The following PHACTR2 variants were observed in gnomAD, a reference collection of about 807,000 sequenced individuals.
PHACTR2 encodes the protein chromosome 6 open reading frame 56.
A neutral mutation model predicts 76.0 loss-of-function variants in PHACTR2; 30 were observed. The ratio of observed to expected loss-of-function variants is 0.39; its 90% CI spans 0.30 to 0.54. PHACTR2 has a LOEUF of 0.54. Ranked by LOEUF, PHACTR2 falls within the 20% of genes least tolerant of loss-of-function variation. The pLI is 0.61. For synonymous variants in PHACTR2, 292 were observed against 292.5 expected (o/e 1.00, Z 0.02); for missense variants, 696 against 781.1 (o/e 0.89, Z 1.30).
rs59017997 is a variant in PHACTR2, at chr6:143,564,196, CATATATATATATATATATATATATAT to C, written c.217+27004_217+27029del. On this transcript the variant is annotated intron_variant, in intron 1 of 11. Coordinates refer to the PHACTR2 transcript ENST00000367584. The stretch of plus-strand genomic sequence containing the variant: ...ATGTGTGTGTGTATGTGTGTGTGTG[CATATATATATATATATATATATATAT>C]ATATATATATATATGTATGCCACTG... 9.9e-5 allele frequency among the ~76,000 whole-genome samples: 4 copies of C among 40,300 alleles called. 2 individuals are homozygous for C. Among genetic ancestry groups the C allele is most frequent in the South Asian group, 1.8e-3 (2 of 1,138 alleles). The allele number at this position is 40,300 out of a possible 152,430, so 26.4% of individuals were successfully genotyped here. A position where few individuals can be genotyped will look rare whatever the true frequency, so the allele number is the denominator to read the frequency against.
At chr6:143,606,939 C>T (rs1051575313), upstream of PHACTR2, among the ~76,000 whole-genome samples, 7 of 152,230 alleles carry the variant, frequency 4.6e-5, no homozygotes, top group South Asian at 2.1e-4. Flanking sequence ...CTATCACTGA[C>T]GTAAACAAAG....
chr6:143,815,704 C>A (rs1418325916), intron 12 of PHACTR2, among the ~76,000 whole-genome samples: 2 of 151,910 alleles, frequency 1.3e-5, no homozygotes, highest in African/African-American at 4.8e-5. Flanking sequence ...ACCAGCCTTG[C>A]CAACATGGTG....
intron 1 of PHACTR2, among the ~76,000 whole-genome samples, chr6:143,701,106 T>G (rs1777901837): frequency 6.6e-6 from 1 of 152,218 alleles, no homozygotes; most frequent in African/African-American, 2.4e-5. Context: ...TTTAATCTGT[T>G]AAATATCCTG....
rs1432141099 is a variant in PHACTR2, at chr6:143,592,677, C to T, written c.217+55470C>T. On this transcript the variant is annotated intron_variant, in intron 1 of 11. Coordinates refer to the PHACTR2 transcript ENST00000367584. This position sits in a 1 kb window ranked among gnomAD's most constrained non-coding sequence, Gnocchi z 4.0. ...GCGTATATGAAGCATAAATGAATTT[C>T]CTACTTAGACTTGGGTTCCATCCCC... Among the ~76,000 whole-genome samples the T allele has an allele frequency of 6.6e-6, 1 of 151,692 alleles. No homozygotes were observed. The highest frequency in any genetic ancestry group is 6.6e-5 in the Admixed American group (1 of 15,202).
chr6:143,792,312 A>G (rs1775708775), intron 11 of PHACTR2, among the ~76,000 whole-genome samples: 1 of 151,720 alleles, frequency 6.6e-6, no homozygotes, highest in Non-Finnish European at 1.5e-5. Flanking sequence ...TAGCATTTTA[A>G]TTGTTTTTCA....
rs1163361565 is a variant in PHACTR2 at position 143,697,519 on chromosome 6, A to ATTAC, written c.47-14496_47-14493dup. On this transcript the variant is annotated intron_variant, in intron 1 of 12. Coordinates refer to ENST00000440869, the MANE Select transcript of PHACTR2 (RefSeq NM_001100164.2). The surrounding 1 kb of genome is among the most constrained non-coding windows in gnomAD (Gnocchi z 4.4). ...TTTGTCTTTGATGAATTGTCTTTCA[A>ATTAC]TTACCTTGTAAAGAGCAATTAAGTG... Among the ~76,000 whole-genome samples, 15 of 152,200 alleles carry ATTAC rather than the reference A, an allele frequency of 9.9e-5. No homozygotes were observed. Among genetic ancestry groups the ATTAC allele is most frequent in the African/African-American group, 3.1e-4 (13 of 41,466 alleles).
Position 143,763,986 on chromosome 6 carries a change from T to C in PHACTR2, c.695-1275T>C, listed in dbSNP as rs964780610. 9.8e-5 allele frequency among the ~76,000 whole-genome samples: 15 copies of C among 152,352 alleles called. No individual in the cohort carries two copies. The Middle Eastern group carries it at 0.014, about 138-fold the overall frequency. ...GTCATGAAAGAAAAGAGTATTCTCA[T>C]AGGAGTTTATTTTATCATCATATAT... On this transcript the variant is annotated intron_variant, in intron 5 of 12. Coordinates refer to ENST00000440869, the MANE Select transcript of PHACTR2 (RefSeq NM_001100164.2).
chr6:143,726,593 A>G (rs1281018154), intron 2 of PHACTR2, among the ~76,000 whole-genome samples: 1 of 152,174 alleles, frequency 6.6e-6, no homozygotes, highest in Admixed American at 6.5e-5. Context: ...GCATGTGACA[A>G]GATTTCCTTT....
chr6:143,624,098 G>T lies in PHACTR2; in HGVS notation c.13+15776G>T, dbSNP rs1776210591. Among the ~76,000 whole-genome samples the T allele has an allele frequency of 1.3e-5, 2 of 148,320 alleles. No individual in the cohort carries two copies. The highest frequency in any genetic ancestry group is 3.0e-5 in the Non-Finnish European group (2 of 67,020). ...CTCTGAAATCTTGTTAATTTTTTTT[G>T]TTGTTTTTTTTGTTTGTTTGTTTGT... On this transcript the variant is annotated intron_variant, in intron 1 of 11. Coordinates refer to the PHACTR2 transcript ENST00000305766. This position sits in a 1 kb window ranked among gnomAD's most constrained non-coding sequence, Gnocchi z 4.6.
intron 1 of PHACTR2, among the ~76,000 whole-genome samples, chr6:143,575,588 C>A (rs547801134): frequency 6.6e-6 from 1 of 152,300 alleles, no homozygotes; most frequent in South Asian, 2.1e-4. Context: ...TGGTAAGACA[C>A]CAGAGACTTG....
rs1322682810 is a variant in PHACTR2, at chr6:143,595,376, T to C, written c.217+58169T>C. On this transcript the variant is annotated intron_variant, in intron 1 of 11. Coordinates refer to the PHACTR2 transcript ENST00000367584. The surrounding 1 kb of genome is among the most constrained non-coding windows in gnomAD (Gnocchi z 4.2). ...CCAAAATGCAGGGATTTGGGCCACA[T>C]TTACTTGGCTCCGGGGGAGTTTTTC... is the stretch of plus-strand genomic sequence containing the variant. 6.6e-6 allele frequency among the ~76,000 whole-genome samples: 1 copy of C among 152,184 alleles called. No homozygotes were observed. Among genetic ancestry groups the C allele is most frequent in the Non-Finnish European group, 1.5e-5 (1 of 68,012 alleles).
At chr6:143,686,380 C>G (rs1237649842) in intron 1 of PHACTR2, among the ~76,000 whole-genome samples, 1 of 149,966 alleles carries the variant, frequency 6.7e-6, no homozygotes, top group Non-Finnish European at 1.5e-5. Context: ...TAAATAACAT[C>G]AACATGTGAA....
In PHACTR2 at chr6:143,708,581, G is replaced by C. The variant is rs1778103115; in HGVS notation, c.47-3435G>C. Among the ~76,000 whole-genome samples, 1 of 152,170 alleles carries C rather than the reference G, an allele frequency of 6.6e-6. No individual in the cohort carries two copies. The highest frequency in any genetic ancestry group is 6.5e-5 in the Admixed American group (1 of 15,280). On this transcript the variant is annotated intron_variant, in intron 1 of 12. Transcript: ENST00000440869. This position sits in a 1 kb window ranked among gnomAD's most constrained non-coding sequence, Gnocchi z 5.5. ...AATAATTTATGGAAAGTTTCAAATG[G>C]ATTTTAATGGAAAACTGATCCACAA... is the stretch of plus-strand genomic sequence containing the variant.
intron 11 of PHACTR2, among the ~76,000 whole-genome samples, chr6:143,804,873 G>A (rs565342859): frequency 6.6e-6 from 1 of 152,284 alleles, no homozygotes; most frequent in East Asian, 1.9e-4. Flanking sequence ...AGAATAATTT[G>A]TTTTTCAAGA....
In PHACTR2 at chr6:143,623,756, G is replaced by T. The variant is rs2328506; in HGVS notation, c.13+15434G>T. 0.18 allele frequency among the ~76,000 whole-genome samples: 26,942 copies of T among 151,958 alleles called. 2,752 individuals are homozygous for T. Among genetic ancestry groups the T allele is most frequent in the South Asian group, 0.27 (1,312 of 4,814 alleles). ...GAAGAATAACAGAAAGAATAAAAGG[G>T]GAATTTTTATATTTTACTCTAGACT... On this transcript the variant is annotated intron_variant, in intron 1 of 11. Coordinates refer to the PHACTR2 transcript ENST00000305766. This position sits in a 1 kb window ranked among gnomAD's most constrained non-coding sequence, Gnocchi z 5.9.
Position 143,618,214 on chromosome 6 carries a change from A to G in PHACTR2, c.13+9892A>G, listed in dbSNP as rs1776088668. Among the ~76,000 whole-genome samples the G allele has an allele frequency of 6.6e-6, 1 of 151,806 alleles. No individual in the cohort carries two copies. The highest frequency in any genetic ancestry group is 1.5e-5 in the Non-Finnish European group (1 of 67,946). Reference sequence around the variant, plus strand: ...ACCACAGGCGCCCTGCTTTTTAGTGATAGAGAAATAGGTCCTGTTCCACCT... The same window carrying G: ...ACCACAGGCGCCCTGCTTTTTAGTGGTAGAGAAATAGGTCCTGTTCCACCT... On this transcript the variant is annotated intron_variant, in intron 1 of 11. Coordinates refer to the PHACTR2 transcript ENST00000305766. This position sits in a 1 kb window ranked among gnomAD's most constrained non-coding sequence, Gnocchi z 5.2.
At chr6:143,622,960 A>T (rs1776183055) in intron 1 of PHACTR2, among the ~76,000 whole-genome samples, 1 of 152,212 alleles carries the variant, frequency 6.6e-6, no homozygotes, top group Non-Finnish European at 1.5e-5. Context: ...TAAGTTGAGG[A>T]GTACAAAGAA....
rs561131559 is a variant in PHACTR2 at position 143,547,423 on chromosome 6, T to C, written c.217+10216T>C. Among the ~76,000 whole-genome samples, 4 of 152,306 alleles carry C rather than the reference T, an allele frequency of 2.6e-5. No individual in the cohort carries two copies. The East Asian group carries it at 7.7e-4, about 29-fold the overall frequency. On this transcript the variant is annotated intron_variant, in intron 1 of 11. Transcript: ENST00000367584. This position sits in a 1 kb window ranked among gnomAD's most constrained non-coding sequence, Gnocchi z 4.2. ...ACAATCATTTGGACAGCTAAGTCATTCACATTACTTTATAGTAACACTGCG... is the reference window on the plus strand; with the variant it reads ...ACAATCATTTGGACAGCTAAGTCATCCACATTACTTTATAGTAACACTGCG...
At chr6:143,631,396 G>A (rs1776361060) in intron 1 of PHACTR2, among the ~76,000 whole-genome samples, 2 of 151,990 alleles carry the variant, frequency 1.3e-5, no homozygotes, top group Non-Finnish European at 2.9e-5. Flanking sequence ...GTCTCACTGT[G>A]CTGCCCAGTC....
Sources: gnomAD v4.1 joint callset for allele counts (sites outside exome capture counted in the v4.1 genomes callset) on GRCh38, gnomAD v4.1.1 for gene constraint, Gnocchi (gnomAD v3.1) non-coding constraint, MANE v1.5 for transcripts, NCBI Gene and HGNC (gene_info 2026-07-23, HGNC 2026-07-21) for gene names.